PPM1G: variants seen among roughly 807,000 people sequenced by gnomAD.
PPM1G encodes the protein protein phosphatase 1G.
A neutral mutation model predicts 59.4 loss-of-function variants in PPM1G; 12 were observed. The observed-to-expected ratio is 0.20, with a 90% CI of 0.13 to 0.33. The LOEUF (loss-of-function observed/expected upper bound fraction) is 0.33, where lower values mean the gene tolerates loss of function less well. Among genes scored for constraint, PPM1G ranks in the 10% least tolerant of loss-of-function variants. The pLI, the probability that PPM1G is intolerant of heterozygous loss-of-function variation, is 1.00. For missense variants in PPM1G, 392 were observed against 681.3 expected, an observed-to-expected ratio of 0.58 and a Z score of 4.73; for synonymous variants, 245 against 251.9, an observed-to-expected ratio of 0.97 and a Z score of 0.26.
chr2:27,404,877 G>C (rs1663307087), intron 1 of PPM1G, among the ~76,000 whole-genome samples: 9 of 148,526 alleles, frequency 6.1e-5, no homozygotes, highest in Non-Finnish European at 1.5e-5. Context: ...TCAGGAGGCA[G>C]AGGTTGCAGT....
In PPM1G at chr2:27,384,253, A is replaced by G. The variant is rs968424042; in HGVS notation, c.826-161T>C. On this transcript the variant is annotated intron_variant, in intron 5 of 9. Transcript: ENST00000344034. This position sits in a 1 kb window ranked among gnomAD's most constrained non-coding sequence, Gnocchi z 4.8. ...AATTGGGGGGATGGAAAGGGCTAGC[A>G]TGAGTACAACTGACATCCTGAACTG... 6.6e-6 allele frequency among the ~76,000 whole-genome samples: 1 copy of G among 152,248 alleles called. No individual in the cohort carries two copies. The highest frequency in any genetic ancestry group is 2.4e-5 in the African/African-American group (1 of 41,462).
chr2:27,409,541 C>A lies in PPM1G; in HGVS notation c.-119G>T, dbSNP rs1378292490. ...CCCGCGGCGCGACCGACGCAAGGTG[C>A]CGGTGAAAGGCGCGAGGCCGGCCAG... On this transcript the variant is annotated 5_prime_UTR_variant, in exon 1 of 10. Coordinates refer to ENST00000344034, the MANE Select transcript of PPM1G (RefSeq NM_177983.3). 2 of 1,268,994 alleles carry A rather than the reference C, an allele frequency of 1.6e-6. No individual in the cohort carries two copies. Among genetic ancestry groups the A allele is most frequent in the Non-Finnish European group, 2.0e-6 (2 of 991,522 alleles). The allele number at this position is 1,268,994 out of a possible 1,614,324, so 78.6% of individuals were successfully genotyped here. A position where few individuals can be genotyped will look rare whatever the true frequency, so the allele number is the denominator to read the frequency against.
intron 1 of PPM1G, among the ~76,000 whole-genome samples, chr2:27,406,698 G>A (rs1347958712): frequency 1.3e-5 from 2 of 152,102 alleles, no homozygotes; most frequent in Non-Finnish European, 2.9e-5. Flanking sequence ...TGGAATCACT[G>A]GGCAAACCAA....
intron 1 of PPM1G, among the ~76,000 whole-genome samples, chr2:27,392,310 TGAGAGAGAGA>T: frequency 6.8e-6 from 1 of 147,668 alleles, no homozygotes; most frequent in African/African-American, 2.5e-5. Context: ...TTTTTTTTTT[TGAGAGAGAGA>T]ATGTCTCCCT....
Position 27,383,806 on chromosome 2 carries a change from A to G in PPM1G, c.966+146T>C. ...GATAATTCAACCCCAAAGGCTTACCATCTCATTCCCCTTGCAGAATAAATC... is the reference window on the plus strand; with the variant it reads ...GATAATTCAACCCCAAAGGCTTACCGTCTCATTCCCCTTGCAGAATAAATC... On this transcript the variant is annotated intron_variant, in intron 6 of 9. Coordinates refer to ENST00000344034, the MANE Select transcript of PPM1G (RefSeq NM_177983.3). The surrounding 1 kb of genome is among the most constrained non-coding windows in gnomAD (Gnocchi z 5.0). The G allele has an allele frequency of 2.3e-6, 3 of 1,314,404 alleles. No individual in the cohort carries two copies. The highest frequency in any genetic ancestry group is 3.1e-6 in the Non-Finnish European group (3 of 965,862). 81.4% of individuals were successfully genotyped at this position (1,314,404 alleles called of 1,614,324 possible).
Position 27,384,115 on chromosome 2 carries a change from C to T in PPM1G, c.826-23G>A. 1 of 1,613,902 alleles carries T rather than the reference C, an allele frequency of 6.2e-7. No homozygotes were observed. The highest frequency in any genetic ancestry group is 8.5e-7 in the Non-Finnish European group (1 of 1,179,910). On this transcript the variant is annotated intron_variant, in intron 5 of 9. Coordinates refer to ENST00000344034, the MANE Select transcript of PPM1G (RefSeq NM_177983.3). The surrounding 1 kb of genome is among the most constrained non-coding windows in gnomAD (Gnocchi z 4.8). ...TTCCTGCCAGGGGGAGGATCCCAGACTGCTGAGACTGGGATGATCCCCTCC... is the reference window on the plus strand; with the variant it reads ...TTCCTGCCAGGGGGAGGATCCCAGATTGCTGAGACTGGGATGATCCCCTCC...
At chr2:27,387,689 T>C (rs780401312) in intron 1 of PPM1G, among the ~76,000 whole-genome samples, 1 of 152,038 alleles carries the variant, frequency 6.6e-6, no homozygotes, top group Non-Finnish European at 1.5e-5. Flanking sequence ...TTAGTAGAGA[T>C]GGGGTTTCAC....
chr2:27,381,578 G>T lies in PPM1G; in HGVS notation c.*21C>A. The T allele has an allele frequency of 1.9e-6, 3 of 1,613,878 alleles. No individual in the cohort carries two copies. The highest frequency in any genetic ancestry group is 2.2e-5 in the East Asian group (1 of 44,852). ...GGAGGGCTCAGAAAACAGTCTAGGT[G>T]GGCAGGGGTCTGGATGACTGCTAGT... is the stretch of plus-strand genomic sequence containing the variant. On this transcript the variant is annotated 3_prime_UTR_variant, in exon 10 of 10. Coordinates refer to ENST00000344034, the MANE Select transcript of PPM1G (RefSeq NM_177983.3).
At position 27,384,559 on chromosome 2, in the gene PPM1G, G is replaced by A. The variant is rs1558316339; in HGVS notation, c.825+114C>T. ...AAGACTAAAGCTTAGAATACAGTGGGTCTTGGGGGATGATGTCAAAATAGG... is the reference window on the plus strand; with the variant it reads ...AAGACTAAAGCTTAGAATACAGTGGATCTTGGGGGATGATGTCAAAATAGG... On this transcript the variant is annotated intron_variant, in intron 5 of 9. Transcript: ENST00000344034. The surrounding 1 kb of genome is among the most constrained non-coding windows in gnomAD (Gnocchi z 4.8). 11 of 1,269,946 alleles carry A rather than the reference G, an allele frequency of 8.7e-6. No individual in the cohort carries two copies. In the Middle Eastern group the frequency reaches 1.4e-3, roughly 158 times the overall value. The allele number at this position is 1,269,946 out of a possible 1,614,324, so 78.7% of individuals were successfully genotyped here.
intron 1 of PPM1G, among the ~76,000 whole-genome samples, chr2:27,408,647 G>A (rs189941398): frequency 1.3e-5 from 2 of 152,242 alleles, no homozygotes; most frequent in East Asian, 3.9e-4. Flanking sequence ...GAAAGAAAAC[G>A]AAGCATAATA....
chr2:27,392,610 T>TGG (rs1367753415), intron 1 of PPM1G, among the ~76,000 whole-genome samples: 12 of 82,918 alleles, frequency 1.4e-4, no homozygotes, highest in African/African-American at 6.2e-4. Flanking sequence ...CATTTTTTTT[T>TGG]TGGGGGGGGG....
chr2:27,385,895 A>G lies in PPM1G; in HGVS notation c.277-16T>C, dbSNP rs767646663. Reference sequence around the variant, plus strand: ...CTTCTAAAGCCTGAATATAAGCAAAATAGTCTAAGACTAGTACAAAATGAA... The same window carrying G: ...CTTCTAAAGCCTGAATATAAGCAAAGTAGTCTAAGACTAGTACAAAATGAA... On this transcript the variant is annotated splice_polypyrimidine_tract_variant and intron_variant, in intron 3 of 9. Transcript: ENST00000344034. The surrounding 1 kb of genome is among the most constrained non-coding windows in gnomAD (Gnocchi z 4.1). 2 of 1,608,950 alleles carry G rather than the reference A, an allele frequency of 1.2e-6. No homozygotes were observed. Among genetic ancestry groups the G allele is most frequent in the African/African-American group, 2.7e-5 (2 of 74,492 alleles).
rs756351182 is a variant in PPM1G, at chr2:27,385,909, G to A, written c.277-30C>T. 2 of 1,601,930 alleles carry A rather than the reference G, an allele frequency of 1.2e-6. No homozygotes were observed. Among genetic ancestry groups the A allele is most frequent in the South Asian group, 1.1e-5 (1 of 89,028 alleles). Reference sequence around the variant, plus strand: ...ATATAAGCAAAATAGTCTAAGACTAGTACAAAATGAACTCCCTATATACAA... The same window carrying A: ...ATATAAGCAAAATAGTCTAAGACTAATACAAAATGAACTCCCTATATACAA... On this transcript the variant is annotated intron_variant, in intron 3 of 9. Coordinates refer to ENST00000344034, the MANE Select transcript of PPM1G (RefSeq NM_177983.3). The surrounding 1 kb of genome is among the most constrained non-coding windows in gnomAD (Gnocchi z 4.1).
At chr2:27,407,768 G>A (rs930900288) in intron 1 of PPM1G, among the ~76,000 whole-genome samples, 3 of 152,132 alleles carry the variant, frequency 2.0e-5, no homozygotes, top group East Asian at 1.9e-4. Context: ...TGTGGGAGCC[G>A]CAGGGTGTGG....
At chr2:27,396,371 GAA>G (rs1454603432) in intron 1 of PPM1G, among the ~76,000 whole-genome samples, 1 of 152,182 alleles carries the variant, frequency 6.6e-6, no homozygotes, top group African/African-American at 2.4e-5. Flanking sequence ...CATAGAGACT[GAA>G]AATAGAATGC....
chr2:27,407,684 G>T (rs1019616668), intron 1 of PPM1G, among the ~76,000 whole-genome samples: 1 of 152,120 alleles, frequency 6.6e-6, no homozygotes, highest in Non-Finnish European at 1.5e-5. Flanking sequence ...TGTCTTCAAC[G>T]ATCTGATCCT....
chr2:27,402,031 T>C (rs1239370567), intron 1 of PPM1G, among the ~76,000 whole-genome samples: 1 of 151,882 alleles, frequency 6.6e-6, no homozygotes, highest in Non-Finnish European at 1.5e-5. Context: ...AAGGAACCTG[T>C]AAGAAATAAA....
In PPM1G at chr2:27,382,694, T is replaced by C; in HGVS notation, c.1202-89A>G. On this transcript the variant is annotated intron_variant, in intron 7 of 9. Coordinates refer to ENST00000344034, the MANE Select transcript of PPM1G (RefSeq NM_177983.3). The surrounding 1 kb of genome is among the most constrained non-coding windows in gnomAD (Gnocchi z 4.2). ...GTCAAACCTTGCCATTCATTTCCCT[T>C]CTTTACAAAGTTCCATAATCTAGTG... The C allele has an allele frequency of 6.6e-7, 1 of 1,521,050 alleles. No individual in the cohort carries two copies. Among genetic ancestry groups the C allele is most frequent in the Non-Finnish European group, 9.0e-7 (1 of 1,110,200 alleles). 94.2% of individuals were successfully genotyped at this position (1,521,050 alleles called of 1,614,324 possible).
intron 1 of PPM1G, among the ~76,000 whole-genome samples, chr2:27,396,398 TG>T (rs1201185430): frequency 5.3e-5 from 8 of 152,092 alleles, no homozygotes; most frequent in African/African-American, 1.9e-4. Context: ...TGCCATGAGC[TG>T]GGGGAAAGAG....
Sources: allele counts gnomAD v4.1 joint callset (sites outside exome capture counted in the v4.1 genomes callset), GRCh38; gene constraint gnomAD v4.1.1; non-coding constraint Gnocchi (gnomAD v3.1); transcripts MANE v1.5; gene names NCBI Gene and HGNC (gene_info 2026-07-23, HGNC 2026-07-21).